Variants in CNTNAP2 observed in about 807,000 individuals in gnomAD.
CNTNAP2 encodes the protein contactin-associated protein-like 2.
CNTNAP2 carries 98 observed loss-of-function variants against 155.2 expected under a neutral mutation model. The observed-to-expected ratio is 0.63, with a 90% confidence interval of 0.54 to 0.75. The LOEUF is 0.75. Among genes scored for constraint, CNTNAP2 ranks in the 30% least tolerant of loss-of-function variants. The probability of loss-of-function intolerance (pLI) is 0.00; values close to 1 mark genes in which losing one functional copy is unlikely to be tolerated. For synonymous variants in CNTNAP2, 651 were observed against 631.2 expected, an observed-to-expected ratio of 1.03 and a Z score of -0.47; for missense variants, 1,727 against 1,688.1, an observed-to-expected ratio of 1.02 and a Z score of -0.40.
intron 13 of CNTNAP2, among the ~76,000 whole-genome samples, chr7:147,875,625 G>T (rs1048327354): frequency 5.9e-5 from 9 of 152,024 alleles, no homozygotes; most frequent in South Asian, 2.1e-4. Context: ...AGGCACAATG[G>T]CTCATACCGT....
chr7:146,585,276 C>T (rs192860169), intron 1 of CNTNAP2, among the ~76,000 whole-genome samples: 1 of 152,210 alleles, frequency 6.6e-6, no homozygotes, highest in African/African-American at 2.4e-5. Context: ...CACATGCCAC[C>T]ACACCTGGCT....
intron 1 of CNTNAP2, among the ~76,000 whole-genome samples, chr7:146,538,025 A>T (rs546941455): frequency 6.6e-6 from 1 of 152,250 alleles, no homozygotes; most frequent in African/African-American, 2.4e-5. Context: ...TATATTGAAA[A>T]TAGATGGTGA....
At chr7:147,155,819 G>A (rs375121692) in intron 8 of CNTNAP2, among the ~76,000 whole-genome samples, 9 of 152,058 alleles carry the variant, frequency 5.9e-5, no homozygotes, top group African/African-American at 1.9e-4. Flanking sequence ...AGAAGTTGAT[G>A]TTGCCCAGCT....
chr7:148,174,300 C>A (rs993213174), intron 18 of CNTNAP2, among the ~76,000 whole-genome samples: 8 of 152,190 alleles, frequency 5.3e-5, no homozygotes, highest in African/African-American at 1.9e-4. Context: ...TCCAGGAAAG[C>A]TTTGTCTGCA....
intron 2 of CNTNAP2, among the ~76,000 whole-genome samples, chr7:146,826,836 G>GTA (rs376484843): frequency 0.017 from 2,480 of 144,040 alleles, 42 homozygotes; most frequent in Middle Eastern, 0.044. Flanking sequence ...ATGAATATAT[G>GTA]TATATATATA....
rs189133122 is a variant in CNTNAP2, at chr7:146,245,462, C to T, written c.97+128489C>T. On this transcript the variant is annotated intron_variant, in intron 1 of 23. Coordinates refer to ENST00000361727, the MANE Select transcript of CNTNAP2 (RefSeq NM_014141.6). ...GCCTCTAAAAGTATTAGGGCGGCAG[C>T]AGCCGCTGCACGCAGACATGACGGC... 3.2e-3 allele frequency among the ~76,000 whole-genome samples: 488 copies of T among 152,318 alleles called. 4 individuals are homozygous for T. Among genetic ancestry groups the T allele is most frequent in the Non-Finnish European group, 5.3e-3 (361 of 68,046 alleles).
chr7:148,129,319 A>G (rs1804777732), intron 16 of CNTNAP2, among the ~76,000 whole-genome samples: 1 of 152,182 alleles, frequency 6.6e-6, no homozygotes, highest in African/African-American at 2.4e-5. Context: ...ACATGACGGT[A>G]TGTCCTGATT....
chr7:146,899,413 C>T (rs1335707173), intron 3 of CNTNAP2, among the ~76,000 whole-genome samples: 1 of 152,190 alleles, frequency 6.6e-6, no homozygotes, highest in Admixed American at 6.5e-5. Flanking sequence ...GAAACCTCTT[C>T]TTATTCTAGA....
At chr7:147,337,814 T>G (rs963837654) in intron 9 of CNTNAP2, among the ~76,000 whole-genome samples, 1 of 152,156 alleles carries the variant, frequency 6.6e-6, no homozygotes, top group East Asian at 1.9e-4. Context: ...TGGCTCCAAT[T>G]AGTATCCATT....
chr7:147,153,504 G>A (rs1801865817), intron 8 of CNTNAP2, among the ~76,000 whole-genome samples: 1 of 152,098 alleles, frequency 6.6e-6, no homozygotes, highest in Non-Finnish European at 1.5e-5. Context: ...AGATGAGGGA[G>A]TTAGTTAAGT....
intron 13 of CNTNAP2, among the ~76,000 whole-genome samples, chr7:147,806,227 G>T (rs1270243521): frequency 1.3e-5 from 2 of 152,026 alleles, no homozygotes; most frequent in Non-Finnish European, 2.9e-5. Context: ...TGCCCAACAG[G>T]TATGTGAAAA....
At chr7:147,463,839 A>G (rs1798066121) in intron 10 of CNTNAP2, among the ~76,000 whole-genome samples, 1 of 152,090 alleles carries the variant, frequency 6.6e-6, no homozygotes, top group Non-Finnish European at 1.5e-5. Context: ...TAAATAGTTT[A>G]CCACAATATT....
In CNTNAP2 at chr7:147,474,583, G is replaced by GA. The variant is rs796512433; in HGVS notation, c.1671-11342dup. The stretch of plus-strand genomic sequence containing the variant: ...GGGGAACAAGAGTGAGATTTTGTCT[G>GA]AAAAAAAAAACAAGAAAAACAAGTG... On this transcript the variant is annotated intron_variant, in intron 10 of 23. Transcript: ENST00000361727. Among the ~76,000 whole-genome samples, 267 of 145,450 alleles carry GA rather than the reference G, an allele frequency of 1.8e-3. 4 individuals are homozygous for GA. Among genetic ancestry groups the GA allele is most frequent in the African/African-American group, 4.1e-3 (161 of 39,694 alleles).
intron 11 of CNTNAP2, among the ~76,000 whole-genome samples, chr7:147,495,900 T>C (rs1798699227): frequency 6.6e-6 from 1 of 152,154 alleles, no homozygotes; most frequent in South Asian, 2.1e-4. Context: ...CACTCCCCAT[T>C]GCTCACATTT....
At chr7:146,830,707 A>G (rs545255295) in intron 2 of CNTNAP2, among the ~76,000 whole-genome samples, 1 of 152,330 alleles carries the variant, frequency 6.6e-6, no homozygotes, top group African/African-American at 2.4e-5. Flanking sequence ...GTATAGGTTC[A>G]GGTTTCCAGC....
Position 146,874,113 on chromosome 7 carries a change from A to G in CNTNAP2, c.402+34209A>G, listed in dbSNP as rs938887707. Among the ~76,000 whole-genome samples, 35 of 152,026 alleles carry G rather than the reference A, an allele frequency of 2.3e-4. 1 individual carries two copies. The highest frequency in any genetic ancestry group is 8.2e-4 in the African/African-American group (34 of 41,410). On this transcript the variant is annotated intron_variant, in intron 3 of 23. Transcript: ENST00000361727. ...ACTCTTAAATTCTCGGGAGAAGTGA[A>G]CTCAGGAAGAAGGAAATATCAAGTC...
chr7:147,223,367 G>A (rs1384577588), intron 8 of CNTNAP2, among the ~76,000 whole-genome samples: 1 of 152,122 alleles, frequency 6.6e-6, no homozygotes, highest in Non-Finnish European at 1.5e-5. Flanking sequence ...GGCAGCAAGG[G>A]ACAACAGAAG....
intron 13 of CNTNAP2, among the ~76,000 whole-genome samples, chr7:147,807,157 T>C (rs1798103654): frequency 1.3e-5 from 2 of 151,330 alleles, no homozygotes; most frequent in African/African-American, 2.4e-5. Flanking sequence ...TACAAAAGAA[T>C]AAAAAGTTTT....
rs36020816 is a variant in CNTNAP2, at chr7:148,405,420, A to ATTTTTTTTTTTTTTTTTTTT, written c.3716-3964_3716-3945dup. ...TCAAGGGAACCAGATTACCATTGTA[A>ATTTTTTTTTTTTTTTTTTTT]TTTTTTTTTTTTTTTTTTTTTTTTT... On this transcript the variant is annotated intron_variant, in intron 22 of 23. Coordinates refer to ENST00000361727, the MANE Select transcript of CNTNAP2 (RefSeq NM_014141.6). 1.5e-3 allele frequency among the ~76,000 whole-genome samples: 99 copies of ATTTTTTTTTTTTTTTTTTTT among 64,304 alleles called. 19 individuals are homozygous for ATTTTTTTTTTTTTTTTTTTT. The highest frequency in any genetic ancestry group is 2.8e-3 in the South Asian group (4 of 1,412). The allele number at this position is 64,304 out of a possible 152,430, so 42.2% of individuals were successfully genotyped here.
Sources: gnomAD v4.1 joint callset for allele counts (sites outside exome capture counted in the v4.1 genomes callset) on GRCh38, gnomAD v4.1.1 for gene constraint, MANE v1.5 for transcripts, NCBI Gene and HGNC (gene_info 2026-07-23, HGNC 2026-07-21) for gene names.